CELSR1: variants seen among roughly 807,000 people sequenced by gnomAD.
CELSR1 encodes the protein cadherin EGF LAG seven-pass G-type receptor 1, also known as adhesion G protein-coupled receptor C1.
A neutral mutation model predicts 249.1 loss-of-function variants in CELSR1; 110 were observed. That is an observed-to-expected ratio of 0.44 (90% CI 0.38 to 0.52). The LOEUF (loss-of-function observed/expected upper bound fraction) is 0.52. Among genes scored for constraint, CELSR1 ranks in the 20% least tolerant of loss-of-function variants. CELSR1 has a pLI of 0.00. For missense variants in CELSR1, 4,109 were observed against 4,296.4 expected, an observed-to-expected ratio of 0.96 and a Z score of 1.22; for synonymous variants, 2,113 against 1,900.0, an observed-to-expected ratio of 1.11 and a Z score of -2.92.
chr22:46,475,656 G>GA (rs1022206991), intron 1 of CELSR1, among the ~76,000 whole-genome samples: 18 of 81,660 alleles, frequency 2.2e-4, no homozygotes, highest in Non-Finnish European at 4.7e-4. Context: ...ATAAAGAAAC[G>GA]AATGGGGGGG....
chr22:46,364,199 C>T lies in CELSR1; in HGVS notation c.8832G>A (p.Gln2944=), dbSNP rs764904244. The T allele has an allele frequency of 1.1e-5, 17 of 1,611,938 alleles. No individual in the cohort carries two copies. The highest frequency in any genetic ancestry group is 2.7e-5 in the African/African-American group (2 of 75,012). Residue 2944 remains glutamine (Q), a synonymous_variant, in exon 34 of 35, where the codon CAG becomes CAA. Transcript: ENST00000674500. ...TCTCCCGGAGCCGGCCCTTCAGCGT[C>T]TGCTCCGTCAGCGTCAGCGGCGGCG... The part of the protein sequence containing the change: ...TYPPPLTLTE[Q]TLKGRLREKL...
At chr22:46,456,475 A>C (rs12167423) in intron 2 of CELSR1, among the ~76,000 whole-genome samples, 146 of 151,746 alleles carry the variant, frequency 9.6e-4, no homozygotes, top group East Asian at 1.2e-3. Context: ...ATGGTTAACA[A>C]GGTGACACCC....
intron 5 of CELSR1, among the ~76,000 whole-genome samples, chr22:46,416,888 C>T (rs1424079091): frequency 6.9e-6 from 1 of 144,164 alleles, no homozygotes; most frequent in Admixed American, 7.5e-5. Flanking sequence ...TTTCTCCAGC[C>T]TTTTAACCTG....
intron 17 of CELSR1, 78 bp from the exon 18 acceptor site, chr22:46,389,577 C>T: frequency 2.1e-6 from 3 of 1,406,522 alleles, no homozygotes; most frequent in Non-Finnish European, 3.0e-6. Flanking sequence ...CAGCAACTCA[C>T]TACTGTCTGG....
At chr22:46,387,092 A>C (rs74390272) in intron 18 of CELSR1, among the ~76,000 whole-genome samples, 2,541 of 152,264 alleles carry the variant, frequency 0.017, 41 homozygotes, top group Non-Finnish European at 0.029. Flanking sequence ...AGTTTATCTT[A>C]AGAGGAATAA....
chr22:46,409,352 G>A lies in CELSR1; in HGVS notation c.5060-190C>T, dbSNP rs946610155. On this transcript the variant is annotated intron_variant, in intron 8 of 34. Transcript: ENST00000674500. This position sits in a 1 kb window ranked among gnomAD's most constrained non-coding sequence, Gnocchi z 9.8. ...TCAGCCACGTGGGCTCCAGAGAAGCGCACCCTGGGACGTGAGCCTCCTTGC... is the reference window on the plus strand; with the variant it reads ...TCAGCCACGTGGGCTCCAGAGAAGCACACCCTGGGACGTGAGCCTCCTTGC... Among the ~76,000 whole-genome samples the A allele has an allele frequency of 2.0e-5, 3 of 152,180 alleles. No individual in the cohort carries two copies. The highest frequency in any genetic ancestry group is 2.9e-5 in the Non-Finnish European group (2 of 68,036).
chr22:46,495,886 A>G (rs2080408465), intron 1 of CELSR1, among the ~76,000 whole-genome samples: 1 of 150,858 alleles, frequency 6.6e-6, no homozygotes, highest in African/African-American at 2.4e-5. Context: ...TTTACTTTAT[A>G]AAGTTTTTAA....
At chr22:46,400,768 A>G (rs1307859354) in intron 9 of CELSR1, among the ~76,000 whole-genome samples, 2 of 152,128 alleles carry the variant, frequency 1.3e-5, no homozygotes, top group Non-Finnish European at 2.9e-5. Context: ...CCTGGCAAAC[A>G]TGGCAAAACC....
chr22:46,365,685 C>T lies in CELSR1; in HGVS notation c.8305G>A (p.Glu2769Lys), dbSNP rs2078761931. 6.4e-7 allele frequency: 1 copy of T among 1,573,248 alleles called. No homozygotes were observed. The highest frequency in any genetic ancestry group is 1.2e-5 in the South Asian group (1 of 85,790). The change falls in exon 31 of 35, where the codon GAA becomes AAA. Residue 2769 changes from glutamate (E) to lysine (K), a missense_variant. By Grantham distance (56) the Glu-to-Lys change is moderately conservative. This residue lies in a region of CELSR1 where 1,805 missense variants were observed against 1,831.6 expected (regional missense o/e 0.99). Transcript: ENST00000674500. ...GACACGCCGAGCTTCTGGATCCCTT[C>T]ATCCCTAGAGAGGCCAGGGAGGGTG... is the stretch of plus-strand genomic sequence containing the variant. The part of the protein sequence containing the change: ...TASLDSIVRD[E>K]GIQKLGVSSG...
In CELSR1 at chr22:46,534,856, G is replaced by A. The variant is rs2080833369; in HGVS notation, c.2315C>T (p.Thr772Ile). 6.2e-7 allele frequency: 1 copy of A among 1,612,762 alleles called. No individual in the cohort carries two copies. Among genetic ancestry groups the A allele is most frequent in the African/African-American group, 1.3e-5 (1 of 74,914 alleles). The stretch of plus-strand genomic sequence containing the variant: ...AGTGACGTTGATTAGGACATGCGCA[G>A]TGTGCGACCGTGTGCCGTCGGATGC... Reference protein sequence around the residue: ...VTASDGTRSHTAHVLINVTDA... With the variant: ...VTASDGTRSHIAHVLINVTDA... Residue 772 changes from threonine to isoleucine, a missense_variant, in exon 1 of 35, where the codon ACT becomes ATT. Thr to Ile is a moderately conservative substitution (Grantham distance 89). Coordinates refer to ENST00000674500, the MANE Select transcript of CELSR1 (RefSeq NM_001378328.1). The surrounding 1 kb of genome is among the most constrained non-coding windows in gnomAD (Gnocchi z 9.7).
chr22:46,424,064 T>TC (rs2079510522), intron 5 of CELSR1, among the ~76,000 whole-genome samples: 1 of 151,098 alleles, frequency 6.6e-6, no homozygotes, highest in Admixed American at 6.6e-5. Context: ...ATTGTAAATC[T>TC]TAAAAAAAAA....
rs758096971 is a variant in CELSR1, at chr22:46,464,278, G to A, written c.3612C>T (p.Thr1204=). The A allele has an allele frequency of 1.9e-6, 3 of 1,613,648 alleles. No homozygotes were observed. Among genetic ancestry groups the A allele is most frequent in the Non-Finnish European group, 2.5e-6 (3 of 1,180,028 alleles). Residue 1204 remains threonine (T), a synonymous_variant, in exon 2 of 35, where the codon ACC becomes ACT. Transcript: ENST00000674500. The surrounding 1 kb of genome is among the most constrained non-coding windows in gnomAD (Gnocchi z 8.5). ...TCTCCAGGCGGACAGTGATGCTGTT[G>A]GTCAGCATGTCGTCCGTGATGATGG... The part of the protein sequence containing the change: ...RVTIITDDML[T]NSITVRLENM...
At position 46,382,003 on chromosome 22, in the gene CELSR1, T is replaced by C. The variant is rs2078983379; in HGVS notation, c.6931A>G (p.Thr2311Ala). The change falls in exon 21 of 35, where the codon ACG becomes GCG. Residue 2311 changes from threonine (T) to alanine (A), a missense_variant. Transcript: ENST00000674500. Reference protein sequence around the residue: ...PAGRRTTPQTTRPGPGTEREA... With the variant: ...PAGRRTTPQTARPGPGTEREA... ...CTCTCGGTGCCAGGCCCCGGGCGCG[T>C]GGTCTGCGGGGTGGTCCTCCGGCCA... 2 of 1,563,106 alleles carry C rather than the reference T, an allele frequency of 1.3e-6. No homozygotes were observed. The highest frequency in any genetic ancestry group is 1.7e-6 in the Non-Finnish European group (2 of 1,156,144).
chr22:46,384,736 A>C (rs1602055063), intron 19 of CELSR1, 50 bp from the exon 20 acceptor site: 1 of 1,543,358 alleles, frequency 6.5e-7, no homozygotes, highest in Non-Finnish European at 8.7e-7. Flanking sequence ...GCTTTCTTGA[A>C]CCCCTGCTGT....
At position 46,436,937 on chromosome 22, in the gene CELSR1, G is replaced by A. The variant is rs1198612374; in HGVS notation, c.4407-648C>T. On this transcript the variant is annotated intron_variant, in intron 3 of 34. Coordinates refer to ENST00000674500, the MANE Select transcript of CELSR1 (RefSeq NM_001378328.1). This position sits in a 1 kb window ranked among gnomAD's most constrained non-coding sequence, Gnocchi z 5.9. ...TCCCATCAGCCTATGACATCACTCAGTTAATTTCTGAAATCATGCTGCTGA... is the reference window on the plus strand; with the variant it reads ...TCCCATCAGCCTATGACATCACTCAATTAATTTCTGAAATCATGCTGCTGA... Among the ~76,000 whole-genome samples the A allele has an allele frequency of 1.3e-5, 2 of 152,142 alleles. No homozygotes were observed. Among genetic ancestry groups the A allele is most frequent in the Admixed American group, 6.5e-5 (1 of 15,268 alleles).
chr22:46,380,885 G>A lies in CELSR1; in HGVS notation c.7159C>T (p.Pro2387Ser), dbSNP rs771899600. ...AGGACGGGCCTCTCCAGGGGTCTCG[G>A]GAGCGGAGCCCCCTCGCTGTACACC... ...TLVYSEGAPL[P>S]RPLERPVLVE... Residue 2387 changes from proline (P) to serine (S), a missense_variant, in exon 22 of 35, where the codon CCG (proline) becomes TCG (serine). This residue lies in a region of CELSR1 where 1,805 missense variants were observed against 1,831.6 expected (regional missense o/e 0.99). Transcript: ENST00000674500. This position sits in a 1 kb window ranked among gnomAD's most constrained non-coding sequence, Gnocchi z 5.1. 3.1e-6 allele frequency: 5 copies of A among 1,613,262 alleles called. No individual in the cohort carries two copies. In the East Asian group the frequency reaches 1.1e-4, roughly 36 times the overall value.
In CELSR1 at chr22:46,454,334, G is replaced by A. The variant is rs556657997; in HGVS notation, c.4183+9373C>T. Among the ~76,000 whole-genome samples, 1 of 152,176 alleles carries A rather than the reference G, an allele frequency of 6.6e-6. No individual in the cohort carries two copies. Among genetic ancestry groups the A allele is most frequent in the African/African-American group, 2.4e-5 (1 of 41,436 alleles). ...CCCTCGTGTGTGGAAATGTTACAGC[G>A]GCCACAGGAGACTCGTGCAGGGGTG... On this transcript the variant is annotated intron_variant, in intron 2 of 34. Transcript: ENST00000674500. The surrounding 1 kb of genome is among the most constrained non-coding windows in gnomAD (Gnocchi z 5.1).
Position 46,464,040 on chromosome 22 carries a change from T to A in CELSR1, c.3850A>T (p.Ile1284Phe). 6.2e-7 allele frequency: 1 copy of A among 1,613,776 alleles called. No individual in the cohort carries two copies. The highest frequency in any genetic ancestry group is 2.2e-5 in the East Asian group (1 of 44,880). The part of the protein sequence containing the change: ...FFPSEDLQEQ[I>F]YLNRTLLTTI... The stretch of plus-strand genomic sequence containing the variant: ...GTCAGCAGCGTCCGATTCAGGTAGA[T>A]CTGCTCCTGCAGGTCCTCCGACGGG... The change falls in exon 2 of 35, where the codon ATC (isoleucine) becomes TTC (phenylalanine). Residue 1284 changes from isoleucine to phenylalanine, a missense_variant. Physicochemically the swap from Ile to Phe is conservative, Grantham distance 21. This residue lies in a region of CELSR1 where 141 missense variants were observed against 209.4 expected (regional missense o/e 0.67). Transcript: ENST00000674500. The surrounding 1 kb of genome is among the most constrained non-coding windows in gnomAD (Gnocchi z 8.5).
At chr22:46,458,702 C>G (rs1409209768) in intron 2 of CELSR1, among the ~76,000 whole-genome samples, 1 of 152,168 alleles carries the variant, frequency 6.6e-6, no homozygotes, top group African/African-American at 2.4e-5. Flanking sequence ...TCACCTCTCA[C>G]AAGAGATCCC....
Sources: gnomAD v4.1 joint callset for allele counts (sites outside exome capture counted in the v4.1 genomes callset) on GRCh38, gnomAD v4.1.1 for gene constraint, gnomAD v4.1.1 regional missense constraint, Gnocchi (gnomAD v3.1) non-coding constraint, MANE v1.5 for transcripts, NCBI Gene and HGNC (gene_info 2026-07-23, HGNC 2026-07-21) for gene names.